TMEM115: variants seen among roughly 807,000 people sequenced by gnomAD.
TMEM115 encodes the protein transmembrane protein 115.
TMEM115 carries 8 observed loss-of-function variants against 20.1 expected under a neutral mutation model. The ratio of observed to expected loss-of-function variants is 0.40; its 90% CI spans 0.23 to 0.72. The LOEUF (loss-of-function observed/expected upper bound fraction) is 0.72, where lower values mean the gene tolerates loss of function less well. TMEM115 is among the 30% of genes least tolerant of loss of function. The pLI is 0.39. For missense variants in TMEM115, 374 were observed against 455.1 expected (o/e 0.82, Z 1.62); for synonymous variants, 229 against 206.2 (o/e 1.11, Z -0.95).
At chr3:50,356,841 T>G (rs752637909) in intron 1 of TMEM115, among the ~76,000 whole-genome samples, 1 of 152,062 alleles carries the variant, frequency 6.6e-6, no homozygotes, top group African/African-American at 2.4e-5. Context: ...CATAAGGCTA[T>G]GCCAAGAACC....
chr3:50,358,716 G>A lies in TMEM115; in HGVS notation c.348C>T (p.Ala116=), dbSNP rs780411130. ...AGGAAGCCATGTAGGTGAGGAGGTAGGCGAAGGCCCCCAGCAGCCCTACAG... is the reference window on the plus strand; with the variant it reads ...AGGAAGCCATGTAGGTGAGGAGGTAAGCGAAGGCCCCCAGCAGCCCTACAG... The part of the protein sequence containing the change: ...NVSVGLLGAF[A]YLLTYMASFN... The change falls in exon 1 of 2, where the codon GCC becomes GCT. Residue 116 remains alanine (A), a synonymous_variant. Coordinates refer to ENST00000266025, the MANE Select transcript of TMEM115 (RefSeq NM_007024.5). The A allele has an allele frequency of 1.2e-5, 20 of 1,613,470 alleles. No homozygotes were observed. Among genetic ancestry groups the A allele is most frequent in the Admixed American group, 1.7e-5 (1 of 60,010 alleles).
chr3:50,356,489 CAG>C (rs1411676204), intron 1 of TMEM115, among the ~76,000 whole-genome samples: 1 of 152,208 alleles, frequency 6.6e-6, no homozygotes, highest in South Asian at 2.1e-4. Flanking sequence ...TCCACCATGT[CAG>C]GGAACACGAC....
At chr3:50,357,626 G>A (rs1036519901) in intron 1 of TMEM115, among the ~76,000 whole-genome samples, 1 of 152,214 alleles carries the variant, frequency 6.6e-6, no homozygotes, top group African/African-American at 2.4e-5. Flanking sequence ...CCACTCCCTG[G>A]TGTCAGCAGG....
In TMEM115 at chr3:50,358,205, C is replaced by A; in HGVS notation, c.851+8G>T. Reference sequence around the variant, plus strand: ...AGCTTGACAAGATTTTGGAAAATTTCACAGTACCTTCTCCGCTCGGCGTCT... The same window carrying A: ...AGCTTGACAAGATTTTGGAAAATTTAACAGTACCTTCTCCGCTCGGCGTCT... On this transcript the variant is annotated splice_region_variant and intron_variant, in intron 1 of 1. Transcript: ENST00000266025. 6.2e-7 allele frequency: 1 copy of A among 1,609,884 alleles called. No individual in the cohort carries two copies. The highest frequency in any genetic ancestry group is 8.5e-7 in the Non-Finnish European group (1 of 1,176,760).
chr3:50,356,278 T>A (rs1324032577), intron 1 of TMEM115, among the ~76,000 whole-genome samples: 1 of 152,188 alleles, frequency 6.6e-6, no homozygotes, highest in East Asian at 1.9e-4. Flanking sequence ...AGGCCCCACT[T>A]TGAGGGCAGG....
chr3:50,358,578 G>A lies in TMEM115; in HGVS notation c.486C>T (p.Pro162=), dbSNP rs1044795240. The change falls in exon 1 of 2, where the codon CCC becomes CCT. Residue 162 remains proline (P), a synonymous_variant. Transcript: ENST00000266025. ...TGGGCATCACACTGACGCGCACCTG[G>A]GGCACTCGCAGGACCACACAGTCCC... is the stretch of plus-strand genomic sequence containing the variant. ...TMGDCVVLRV[P]QVRVSVMPML... The A allele has an allele frequency of 6.2e-7, 1 of 1,610,402 alleles. No homozygotes were observed. Among genetic ancestry groups the A allele is most frequent in the Non-Finnish European group, 8.5e-7 (1 of 1,178,712 alleles).
At chr3:50,355,748 G>A (rs989572376) in intron 1 of TMEM115, among the ~76,000 whole-genome samples, 6 of 152,164 alleles carry the variant, frequency 3.9e-5, no homozygotes, top group Non-Finnish European at 8.8e-5. Context: ...ATAACCCAAA[G>A]GCTCTAAGAA....
intron 1 of TMEM115, 80 bp downstream of exon 1, chr3:50,358,133 C>T (rs1703904940): frequency 5.2e-6 from 8 of 1,548,782 alleles, no homozygotes; most frequent in East Asian, 2.3e-5. Context: ...CACCTATGTA[C>T]AGCGAACACC....
In TMEM115 at chr3:50,358,554, G is replaced by T. The variant is rs587673491; in HGVS notation, c.510C>A (p.Pro170=). ...GGAGCAGCAGCGCCAGCAGCAGCAT[G>T]GGCATCACACTGACGCGCACCTGGG... is the stretch of plus-strand genomic sequence containing the variant. ...RVPQVRVSVM[P]MLLLALLLLL... is the part of the protein sequence containing the mutation. The change falls in exon 1 of 2, where the codon CCC becomes CCA. Residue 170 remains proline (P), a synonymous_variant. Transcript: ENST00000266025. The T allele has an allele frequency of 1.9e-6, 3 of 1,610,680 alleles. No homozygotes were observed. In the Admixed American group the frequency reaches 5.0e-5, roughly 27 times the overall value.
chr3:50,355,858 G>T (rs587752126), intron 1 of TMEM115, among the ~76,000 whole-genome samples: 1 of 152,354 alleles, frequency 6.6e-6, no homozygotes, highest in Non-Finnish European at 1.5e-5. Flanking sequence ...TCTGAGGGTG[G>T]TATCTAAGGG....
Position 50,355,324 on chromosome 3 carries a change from C to A in TMEM115, c.*19G>T. The A allele has an allele frequency of 6.8e-7, 1 of 1,460,814 alleles. No individual in the cohort carries two copies. The highest frequency in any genetic ancestry group is 2.4e-5 in the Admixed American group (1 of 41,338). 90.5% of individuals were successfully genotyped at this position (1,460,814 alleles called of 1,614,324 possible). ...GGGGGGCTTGGGAGGGGAGGTGCCA[C>A]ACTCAAGGTGGTCTGGAGTTACAGC... is the stretch of plus-strand genomic sequence containing the variant. On this transcript the variant is annotated 3_prime_UTR_variant, in exon 2 of 2. Transcript: ENST00000266025.
chr3:50,355,246 C>G lies in TMEM115; in HGVS notation c.*97G>C. 1 of 964,766 alleles carries G rather than the reference C, an allele frequency of 1.0e-6. No homozygotes were observed. The highest frequency in any genetic ancestry group is 1.5e-6 in the Non-Finnish European group (1 of 671,840). 59.8% of individuals were successfully genotyped at this position (964,766 alleles called of 1,614,324 possible). On this transcript the variant is annotated 3_prime_UTR_variant, in exon 2 of 2. Coordinates refer to ENST00000266025, the MANE Select transcript of TMEM115 (RefSeq NM_007024.5). Reference sequence around the variant, plus strand: ...GCCATGGAAAGCCCCAGCAGGCCTTCTTCCCTCTCCTCAGAGCAGTCAGGT... The same window carrying G: ...GCCATGGAAAGCCCCAGCAGGCCTTGTTCCCTCTCCTCAGAGCAGTCAGGT...
In TMEM115 at chr3:50,358,281, A is replaced by G. The variant is rs143476159; in HGVS notation, c.783T>C (p.Asp261=). 6.6e-5 allele frequency: 106 copies of G among 1,613,786 alleles called. No homozygotes were observed. The highest frequency in any genetic ancestry group is 6.2e-4 in the East Asian group (28 of 44,884). Residue 261 remains aspartate, a synonymous_variant, in exon 1 of 2, where the codon GAT becomes GAC. Coordinates refer to ENST00000266025, the MANE Select transcript of TMEM115 (RefSeq NM_007024.5). Reference sequence around the variant, plus strand: ...TGGTGATGGAGGATGGGGCACCCACATCGTAGCGCTTCACCGTCTTCTGGC... The same window carrying G: ...TGGTGATGGAGGATGGGGCACCCACGTCGTAGCGCTTCACCGTCTTCTGGC... ...KICQKTVKRY[D]VGAPSSITIS...
rs2109381596 is a variant in TMEM115, at chr3:50,358,999, A to G, written c.65T>C (p.Val22Ala). The G allele has an allele frequency of 6.3e-7, 1 of 1,582,414 alleles. No homozygotes were observed. Among genetic ancestry groups the G allele is most frequent in the Non-Finnish European group, 8.6e-7 (1 of 1,164,580 alleles). ...LGAILASASV[V>A]VKALCAAVLF... ...TACCGCCGCACACAGAGCCTTCACCACCACGCTGGCGCTGGCCAGAATGGC... is the reference window on the plus strand; with the variant it reads ...TACCGCCGCACACAGAGCCTTCACCGCCACGCTGGCGCTGGCCAGAATGGC... Residue 22 changes from valine to alanine, a missense_variant, in exon 1 of 2, where the codon GTG becomes GCG. Coordinates refer to ENST00000266025, the MANE Select transcript of TMEM115 (RefSeq NM_007024.5).
intron 1 of TMEM115, among the ~76,000 whole-genome samples, chr3:50,355,920 T>C (rs886958622): frequency 6.6e-6 from 1 of 152,008 alleles, no homozygotes; most frequent in African/African-American, 2.4e-5. Context: ...AGTTCTGGAG[T>C]TTCCAGGAGT....
Position 50,358,697 on chromosome 3 carries a change from C to A in TMEM115, c.367G>T (p.Ala123Ser), listed in dbSNP as rs1397867792. 6.2e-7 allele frequency: 1 copy of A among 1,613,408 alleles called. No homozygotes were observed. The highest frequency in any genetic ancestry group is 1.3e-5 in the African/African-American group (1 of 74,934). ...AACAGGTAGACCAGGTTGAAGGAAGCCATGTAGGTGAGGAGGTAGGCGAAG... is the reference window on the plus strand; with the variant it reads ...AACAGGTAGACCAGGTTGAAGGAAGACATGTAGGTGAGGAGGTAGGCGAAG... ...GAFAYLLTYM[A>S]SFNLVYLFTV... The change falls in exon 1 of 2, where the codon GCT (alanine) becomes TCT (serine). Residue 123 changes from alanine (A) to serine (S), a missense_variant. Transcript: ENST00000266025.
intron 1 of TMEM115, among the ~76,000 whole-genome samples, chr3:50,356,635 G>A (rs1490918957): frequency 1.3e-5 from 2 of 152,174 alleles, no homozygotes; most frequent in African/African-American, 4.8e-5. Flanking sequence ...TCCTGATGAT[G>A]CCCTTGCCAG....
intron 1 of TMEM115, among the ~76,000 whole-genome samples, chr3:50,357,328 T>C (rs1703892337): frequency 6.6e-6 from 1 of 152,142 alleles, no homozygotes. Context: ...CACAACCCCA[T>C]TCACAGGTGA....
rs757753846 is a variant in TMEM115 at position 50,358,629 on chromosome 3, G to C, written c.435C>G (p.Val145=). ...IHGALGFLGG[V]LVALKQTMGD... is the part of the protein sequence containing the mutation. ...CCATGGTTTGCTTGAGTGCCACCAG[G>C]ACGCCACCTAGGAAGCCCAAGGCGC... The change falls in exon 1 of 2, where the codon GTC becomes GTG. Residue 145 remains valine (V), a synonymous_variant. Coordinates refer to ENST00000266025, the MANE Select transcript of TMEM115 (RefSeq NM_007024.5). 2.5e-6 allele frequency: 4 copies of C among 1,612,842 alleles called. No individual in the cohort carries two copies. In the East Asian group the frequency reaches 6.7e-5, roughly 27 times the overall value.
Sources: gnomAD v4.1 joint callset for allele counts (sites outside exome capture counted in the v4.1 genomes callset) on GRCh38, gnomAD v4.1.1 for gene constraint, MANE v1.5 for transcripts, NCBI Gene and HGNC (gene_info 2026-07-23, HGNC 2026-07-21) for gene names.